Variants in CACNA2D3 observed in about 807,000 individuals in gnomAD.
CACNA2D3 encodes calcium voltage-gated channel auxiliary subunit alpha2delta 3.
Under a neutral mutation model 160.6 loss-of-function variants are expected in CACNA2D3, and 60 were observed. That is an observed-to-expected ratio of 0.37 (90% confidence interval 0.30 to 0.46). The LOEUF (loss-of-function observed/expected upper bound fraction) is 0.46, where lower values mean the gene tolerates loss of function less well. Among genes scored for constraint, CACNA2D3 ranks in the 20% least tolerant of loss-of-function variants. The pLI is 1.00. For synonymous variants in CACNA2D3, 558 were observed against 492.9 expected, an observed-to-expected ratio of 1.13 and a Z score of -1.75; for missense variants, 1,205 against 1,365.0, an observed-to-expected ratio of 0.88 and a Z score of 1.85.
intron 10 of CACNA2D3, among the ~76,000 whole-genome samples, chr3:54,629,241 G>T (rs1699183212): frequency 6.6e-6 from 1 of 151,890 alleles, no homozygotes. Flanking sequence ...GCAGGCTGTT[G>T]TCATTTTGCA....
intron 35 of CACNA2D3, among the ~76,000 whole-genome samples, chr3:55,044,833 T>A (rs1348936912): frequency 6.6e-6 from 1 of 152,162 alleles, no homozygotes; most frequent in Non-Finnish European, 1.5e-5. Context: ...TCAAAAAAGG[T>A]TGCTAAAGTT....
intron 5 of CACNA2D3, among the ~76,000 whole-genome samples, chr3:54,516,352 C>T (rs575311133): frequency 8.5e-5 from 13 of 152,244 alleles, no homozygotes; most frequent in Middle Eastern, 3.4e-3. Context: ...CTGAACTCTT[C>T]CTTCATTCTT....
intron 4 of CACNA2D3, among the ~76,000 whole-genome samples, chr3:54,493,277 G>T (rs1184092393): frequency 6.6e-6 from 1 of 151,700 alleles, no homozygotes; most frequent in South Asian, 2.1e-4. Flanking sequence ...GGGTTTCACT[G>T]TGTTGTCCAG....
chr3:54,683,682 A>G (rs940621521), intron 11 of CACNA2D3, among the ~76,000 whole-genome samples: 26 of 152,110 alleles, frequency 1.7e-4, no homozygotes, highest in African/African-American at 9.7e-5. Flanking sequence ...CATCAATACT[A>G]TGTTTCTCAG....
At chr3:54,524,146 A>C (rs576647015) in intron 5 of CACNA2D3, among the ~76,000 whole-genome samples, 2 of 152,074 alleles carry the variant, frequency 1.3e-5, no homozygotes, top group South Asian at 2.1e-4. Flanking sequence ...GCAGCTATAA[A>C]TTTTTCTCTA....
chr3:54,133,028 A>AACCAGCAAC (rs1699744069), intron 2 of CACNA2D3, among the ~76,000 whole-genome samples: 2 of 152,196 alleles, frequency 1.3e-5, no homozygotes, highest in South Asian at 4.1e-4. Flanking sequence ...TTGCTTCTAC[A>AACCAGCAAC]TACCAGCAAG....
At chr3:54,909,631 A>AT (rs889803006) in intron 27 of CACNA2D3, among the ~76,000 whole-genome samples, 12 of 144,782 alleles carry the variant, frequency 8.3e-5, no homozygotes, top group East Asian at 2.0e-4. Context: ...ACATTATGAG[A>AT]TTTTTTTTGT....
chr3:54,827,402 T>C (rs947889254), intron 14 of CACNA2D3, among the ~76,000 whole-genome samples: 4 of 152,240 alleles, frequency 2.6e-5, no homozygotes, highest in Admixed American at 6.5e-5. Flanking sequence ...GATGGAAAGA[T>C]AGATCAATAA....
intron 2 of CACNA2D3, among the ~76,000 whole-genome samples, chr3:54,134,290 G>A (rs1362072566): frequency 7.9e-5 from 12 of 152,222 alleles, no homozygotes; most frequent in South Asian, 6.2e-4. Flanking sequence ...TGAGCGGGGA[G>A]GGGTGAGCAG....
At chr3:54,381,302 G>T (rs1225992779) in intron 3 of CACNA2D3, among the ~76,000 whole-genome samples, 2 of 152,088 alleles carry the variant, frequency 1.3e-5, no homozygotes, top group Admixed American at 1.3e-4. Context: ...GCCCATTTTA[G>T]GGATTTTTAT....
chr3:54,166,130 G>A lies in CACNA2D3; in HGVS notation c.204+42536G>A, dbSNP rs1700450265. ...TTTGTTGAGATGGTTGGGCTTCACC[G>A]TGACTATCCATGTCAAGCTGGCTGT... is the stretch of plus-strand genomic sequence containing the variant. On this transcript the variant is annotated intron_variant, in intron 2 of 37. Transcript: ENST00000474759. Among the ~76,000 whole-genome samples, 4 of 152,174 alleles carry A rather than the reference G, an allele frequency of 2.6e-5. No individual in the cohort carries two copies. In the South Asian group the frequency reaches 8.3e-4, roughly 32 times the overall value.
chr3:54,224,994 C>T (rs1301428287), intron 2 of CACNA2D3, among the ~76,000 whole-genome samples: 6 of 142,174 alleles, frequency 4.2e-5, no homozygotes, highest in East Asian at 4.1e-4. Context: ...AGGGTACATG[C>T]GCATAACGTG....
intron 2 of CACNA2D3, among the ~76,000 whole-genome samples, chr3:54,182,513 T>C (rs1221923135): frequency 6.6e-6 from 1 of 152,230 alleles, no homozygotes; most frequent in African/African-American, 2.4e-5. Context: ...TGATTCTGAG[T>C]TGGTAAAACT....
At chr3:54,660,754 G>C (rs1559542166) in intron 11 of CACNA2D3, among the ~76,000 whole-genome samples, 6 of 152,084 alleles carry the variant, frequency 3.9e-5, no homozygotes, top group Admixed American at 3.3e-4. Context: ...CCAGGCCCTG[G>C]CTCCTCTCAG....
At chr3:54,993,285 A>G (rs1005742333) in intron 31 of CACNA2D3, among the ~76,000 whole-genome samples, 3 of 152,220 alleles carry the variant, frequency 2.0e-5, no homozygotes, top group African/African-American at 2.4e-5. Context: ...AATCTCAGGT[A>G]GGGCACCTTG....
At chr3:54,224,780 A>G (rs1464562973) in intron 2 of CACNA2D3, among the ~76,000 whole-genome samples, 1 of 152,048 alleles carries the variant, frequency 6.6e-6, no homozygotes, top group Non-Finnish European at 1.5e-5. Context: ...TTAGATTCAC[A>G]TACACATTTA....
chr3:54,804,433 C>G (rs1703067883), intron 13 of CACNA2D3, among the ~76,000 whole-genome samples: 1 of 152,044 alleles, frequency 6.6e-6, no homozygotes, highest in South Asian at 2.1e-4. Flanking sequence ...AGACTTTAAA[C>G]CAACAAAGAT....
intron 35 of CACNA2D3, among the ~76,000 whole-genome samples, chr3:55,032,921 C>T (rs1279483958): frequency 9.4e-6 from 1 of 106,438 alleles, no homozygotes; most frequent in Non-Finnish European, 1.7e-5. Context: ...AAGAGAATAA[C>T]TTTGTAAAGT....
At chr3:54,798,542 A>G (rs1702918246) in intron 13 of CACNA2D3, among the ~76,000 whole-genome samples, 1 of 152,182 alleles carries the variant, frequency 6.6e-6, no homozygotes, top group Admixed American at 6.5e-5. Context: ...TCTCAAAAAA[A>G]AGAATGGACC....
Sources: allele counts gnomAD v4.1 joint callset (sites outside exome capture counted in the v4.1 genomes callset), GRCh38; gene constraint gnomAD v4.1.1; transcripts MANE v1.5; gene names NCBI Gene and HGNC (gene_info 2026-07-23, HGNC 2026-07-21).